USP13: variants seen among roughly 807,000 people sequenced by gnomAD.
USP13 encodes the protein ubiquitin specific peptidase 13.
USP13 carries 68 observed loss-of-function variants against 107.8 expected under a neutral mutation model. The observed-to-expected ratio is 0.63, with a 90% CI of 0.52 to 0.77. The LOEUF is 0.77. Among genes scored for constraint, USP13 ranks in the 30% least tolerant of loss-of-function variants. The pLI is 0.00. For synonymous variants in USP13, 377 were observed against 389.5 expected (o/e 0.97, Z 0.38); for missense variants, 945 against 1,093.3 (o/e 0.86, Z 1.91).
chr3:179,696,783 G>A (rs1393246018), intron 3 of USP13, among the ~76,000 whole-genome samples: 3 of 152,094 alleles, frequency 2.0e-5, no homozygotes, highest in Non-Finnish European at 2.9e-5. Context: ...TGAGTTTGGG[G>A]TATAAGCTGA....
At chr3:179,671,228 C>G (rs1720742575) in intron 1 of USP13, among the ~76,000 whole-genome samples, 1 of 152,038 alleles carries the variant, frequency 6.6e-6, no homozygotes, top group African/African-American at 2.4e-5. Flanking sequence ...GTGAGACTCT[C>G]TCAAAGATAA....
chr3:179,661,803 A>G (rs1415397300), intron 1 of USP13, among the ~76,000 whole-genome samples: 1 of 152,118 alleles, frequency 6.6e-6, no homozygotes, highest in Non-Finnish European at 1.5e-5. Context: ...CTTGGTGGCA[A>G]GATTCTGATA....
intron 19 of USP13, among the ~76,000 whole-genome samples, chr3:179,778,765 T>C (rs1173812954): frequency 6.7e-6 from 1 of 149,054 alleles, no homozygotes; most frequent in Non-Finnish European, 1.5e-5. Context: ...AAACTCCGTC[T>C]CAAAGAAAAA....
chr3:179,719,327 C>T (rs114312594), intron 6 of USP13, among the ~76,000 whole-genome samples: 158 of 152,140 alleles, frequency 1.0e-3, no homozygotes, highest in African/African-American at 3.6e-3. Flanking sequence ...ATTAGGGAAG[C>T]GCCACACAGT....
intron 12 of USP13, among the ~76,000 whole-genome samples, chr3:179,743,926 GTT>G (rs35286740): frequency 0.039 from 4,973 of 126,202 alleles, 232 homozygotes; most frequent in African/African-American, 0.12. Context: ...TAAATAAGGA[GTT>G]TTTTTTTTTT....
At position 179,678,009 on chromosome 3, in the gene USP13, A is replaced by G. The variant is rs370501327; in HGVS notation, c.169-3869A>G. ...TTTCACCCCCTTTAAATTTCATGCA[A>G]CTCTGTGTCGTGGGAATTATTGCTA... On this transcript the variant is annotated intron_variant, in intron 1 of 20. Coordinates refer to ENST00000263966, the MANE Select transcript of USP13 (RefSeq NM_003940.3). This position sits in a 1 kb window ranked among gnomAD's most constrained non-coding sequence, Gnocchi z 4.2. Among the ~76,000 whole-genome samples, 23 of 152,178 alleles carry G rather than the reference A, an allele frequency of 1.5e-4. 1 individual carries two copies. In the East Asian group the frequency reaches 3.3e-3, roughly 22 times the overall value.
chr3:179,755,264 G>A (rs1714749198), intron 15 of USP13, among the ~76,000 whole-genome samples: 1 of 152,046 alleles, frequency 6.6e-6, no homozygotes, highest in African/African-American at 2.4e-5. Context: ...TTGACTCTGT[G>A]ACCCCATCAC....
intron 18 of USP13, among the ~76,000 whole-genome samples, chr3:179,764,815 A>T (rs543172234): frequency 6.6e-5 from 10 of 152,192 alleles, no homozygotes; most frequent in Non-Finnish European, 1.5e-4. Context: ...TCCATTTTTG[A>T]GTAGATATCT....
chr3:179,783,185 T>C (rs1715806848), intron 20 of USP13, among the ~76,000 whole-genome samples: 1 of 152,130 alleles, frequency 6.6e-6, no homozygotes, highest in Non-Finnish European at 1.5e-5. Flanking sequence ...TTAAAAGCAA[T>C]AAAATTCATA....
chr3:179,693,325 A>AT (rs1483998526), intron 3 of USP13, among the ~76,000 whole-genome samples: 3 of 151,362 alleles, frequency 2.0e-5, no homozygotes, highest in Non-Finnish European at 2.9e-5. Flanking sequence ...ATTAAAAAAA[A>AT]TTTTTTTTAA....
chr3:179,677,521 G>A (rs543130923), intron 1 of USP13, among the ~76,000 whole-genome samples: 12 of 151,888 alleles, frequency 7.9e-5, no homozygotes, highest in Non-Finnish European at 1.0e-4. Context: ...TGGAGGTTGC[G>A]TTGAGCCAAG....
At chr3:179,656,664 C>T (rs1397038102) in intron 1 of USP13, among the ~76,000 whole-genome samples, 1 of 152,154 alleles carries the variant, frequency 6.6e-6, no homozygotes, top group Non-Finnish European at 1.5e-5. Context: ...ATGCACCTTC[C>T]CAGTGGAGCT....
intron 1 of USP13, among the ~76,000 whole-genome samples, chr3:179,672,459 A>ACTGCAATCT (rs1720777763): frequency 6.7e-6 from 1 of 148,816 alleles, no homozygotes; most frequent in Admixed American, 6.9e-5. Flanking sequence ...ATCTTGGCTC[A>ACTGCAATCT]CTGCAATCTC....
At chr3:179,723,795 T>C (rs976581355) in intron 8 of USP13, among the ~76,000 whole-genome samples, 3 of 152,198 alleles carry the variant, frequency 2.0e-5, no homozygotes, top group African/African-American at 7.2e-5. Flanking sequence ...CACTTCTTTT[T>C]CACCAGCAGG....
In USP13 at chr3:179,695,007, G is replaced by A. The variant is rs562361042; in HGVS notation, c.355+4706G>A. ...AAAATAAAGCCCACCAGCGGGCTCC[G>A]CTGAGTAAAGTTGGGGTCTCTTATT... On this transcript the variant is annotated intron_variant, in intron 3 of 20. Coordinates refer to ENST00000263966, the MANE Select transcript of USP13 (RefSeq NM_003940.3). 2.0e-4 allele frequency among the ~76,000 whole-genome samples: 30 copies of A among 152,200 alleles called. 1 individual carries two copies. Among genetic ancestry groups the A allele is most frequent in the South Asian group, 1.5e-3 (7 of 4,816 alleles).
chr3:179,755,394 A>C (rs1423356518), intron 15 of USP13, among the ~76,000 whole-genome samples: 3 of 151,954 alleles, frequency 2.0e-5, no homozygotes, highest in Non-Finnish European at 4.4e-5. Context: ...TCCTGGGTTC[A>C]AGCAATTCTC....
chr3:179,758,428 T>G (rs540201726), intron 16 of USP13, among the ~76,000 whole-genome samples: 2 of 152,272 alleles, frequency 1.3e-5, no homozygotes, highest in South Asian at 4.1e-4. Context: ...GATCTAAGCA[T>G]GCTGTCTTAC....
intron 4 of USP13, among the ~76,000 whole-genome samples, chr3:179,706,071 A>G (rs934184198): frequency 2.0e-5 from 3 of 151,904 alleles, no homozygotes; most frequent in Admixed American, 1.3e-4. Context: ...AGTTGTGTAC[A>G]GGTTTTTGTG....
At chr3:179,752,407 T>C in intron 14 of USP13, 34 bp downstream of exon 14, 1 of 1,508,796 alleles carries the variant, frequency 6.6e-7, no homozygotes, top group Non-Finnish European at 9.2e-7. Context: ...GCTTAAAACA[T>C]CAAATGAGCC....
Sources: allele counts gnomAD v4.1 joint callset (sites outside exome capture counted in the v4.1 genomes callset), GRCh38; gene constraint gnomAD v4.1.1; non-coding constraint Gnocchi (gnomAD v3.1); transcripts MANE v1.5; gene names NCBI Gene and HGNC (gene_info 2026-07-23, HGNC 2026-07-21).